The following PEAK1 variants were observed in gnomAD, a reference collection of about 807,000 sequenced individuals.
The protein encoded by PEAK1 is inactive tyrosine-protein kinase PEAK1.
PEAK1 carries 54 observed loss-of-function variants against 124.7 expected under a neutral mutation model. The ratio of observed to expected loss-of-function variants is 0.43; its 90% CI spans 0.35 to 0.54. PEAK1 has a LOEUF of 0.54. Among genes scored for constraint, PEAK1 ranks in the 20% least tolerant of loss-of-function variants. The pLI, the probability that PEAK1 is intolerant of heterozygous loss-of-function variation, is 0.01. For synonymous variants in PEAK1, 719 were observed against 760.0 expected (o/e 0.95, Z 0.89); for missense variants, 2,046 against 2,134.5 (o/e 0.96, Z 0.82).
intron 1 of PEAK1, among the ~76,000 whole-genome samples, chr15:77,410,593 A>G (rs1339241576): frequency 6.6e-6 from 1 of 152,258 alleles, no homozygotes; most frequent in Non-Finnish European, 1.5e-5. Context: ...CTTAAATTTT[A>G]TAAGGGTAAA....
chr15:77,403,660 C>G (rs1056073339), intron 1 of PEAK1: 9 of 877,012 alleles, frequency 1.0e-5, no homozygotes, highest in Non-Finnish European at 1.2e-5. Flanking sequence ...AACACATCCC[C>G]CTTTAGTTTC....
intron 5 of PEAK1, among the ~76,000 whole-genome samples, chr15:77,276,485 A>C (rs2152960255): frequency 6.6e-6 from 1 of 152,276 alleles, no homozygotes; most frequent in African/African-American, 2.4e-5. Flanking sequence ...GAGTTCTTTA[A>C]CCAGCAAAAA....
intron 1 of PEAK1, among the ~76,000 whole-genome samples, chr15:77,410,075 GTTTT>G (rs71145825): frequency 4.4e-4 from 62 of 141,282 alleles, no homozygotes; most frequent in Non-Finnish European, 8.0e-4. Context: ...GTGTGTGTGT[GTTTT>G]TTTTTTTTTT....
chr15:77,121,460 C>T (rs921232612), intron 9 of PEAK1, among the ~76,000 whole-genome samples: 4 of 152,066 alleles, frequency 2.6e-5, no homozygotes, highest in South Asian at 2.1e-4. Flanking sequence ...GTGGGGGCAA[C>T]GGCAGATAAA....
At chr15:77,295,570 T>C (rs982968060) in intron 2 of PEAK1, among the ~76,000 whole-genome samples, 1 of 152,190 alleles carries the variant, frequency 6.6e-6, no homozygotes, top group Non-Finnish European at 1.5e-5. Flanking sequence ...TAGGTTACCA[T>C]GGAATTACTT....
chr15:77,105,017 C>T (rs1043315829), downstream of PEAK1: 30 of 152,224 alleles, frequency 2.0e-4, no homozygotes, highest in African/African-American at 6.8e-4. Flanking sequence ...TATCCCTCCA[C>T]ATTCTCTTTA....
At chr15:77,208,820 T>A (rs1489434721) in intron 6 of PEAK1, among the ~76,000 whole-genome samples, 1 of 152,154 alleles carries the variant, frequency 6.6e-6, no homozygotes, top group Non-Finnish European at 1.5e-5. Context: ...AACTCACTGG[T>A]GAAAAACTGA....
intron 2 of PEAK1, among the ~76,000 whole-genome samples, chr15:77,362,352 T>TA (rs920984372): frequency 1.2e-4 from 17 of 144,386 alleles, no homozygotes; most frequent in Non-Finnish European, 2.0e-4. Context: ...AATTAAAAAC[T>TA]AAAAAAAAAA....
chr15:77,207,720 G>C (rs991772245), intron 6 of PEAK1, among the ~76,000 whole-genome samples: 11 of 152,146 alleles, frequency 7.2e-5, no homozygotes, highest in African/African-American at 2.7e-4. Flanking sequence ...TTTTAGGGCA[G>C]TGAAACTATT....
intron 5 of PEAK1, among the ~76,000 whole-genome samples, chr15:77,275,043 T>C (rs1267279244): frequency 6.6e-6 from 1 of 152,212 alleles, no homozygotes; most frequent in Admixed American, 6.5e-5. Context: ...GAGACCATTA[T>C]TCCAAGTGAA....
intron 2 of PEAK1, chr15:77,347,613 C>G (rs1052778775): frequency 2.1e-5 from 21 of 984,930 alleles, no homozygotes; most frequent in Non-Finnish European, 2.5e-5. Context: ...TTTGAGATAG[C>G]CCAGAGACTT....
chr15:77,375,292 C>T (rs566566681), intron 1 of PEAK1, among the ~76,000 whole-genome samples: 12 of 152,216 alleles, frequency 7.9e-5, no homozygotes, highest in Non-Finnish European at 1.0e-4. Context: ...AAAATAATCT[C>T]GCCACAGTCA....
chr15:77,388,960 A>ATTTTTTT (rs751451938), intron 1 of PEAK1, among the ~76,000 whole-genome samples: 1 of 121,694 alleles, frequency 8.2e-6, no homozygotes, highest in Admixed American at 7.9e-5. Context: ...TCTTTTGCTT[A>ATTTTTTT]TTTTTTTTTT....
At position 77,313,644 on chromosome 15, in the gene PEAK1, A is replaced by ATGTGTGTGTGTG. The variant is rs1166778709; in HGVS notation, c.-602-27141_-602-27140insCACACACACACA. Among the ~76,000 whole-genome samples, 6 of 75,416 alleles carry ATGTGTGTGTGTG rather than the reference A, an allele frequency of 8.0e-5. No individual in the cohort carries two copies. The South Asian group carries it at 1.2e-3, about 16-fold the overall frequency. The allele number at this position is 75,416 out of a possible 152,430, so 49.5% of individuals were successfully genotyped here. A position where few individuals can be genotyped will look rare whatever the true frequency, so the allele number is the denominator to read the frequency against. ...ACCATGCCCAGTAATGTATGTATGT[A>ATGTGTGTGTGTG]TGTATGTATGTGTGTGTGTGTGTGT... On this transcript the variant is annotated intron_variant, in intron 2 of 9. Transcript: ENST00000682557.
chr15:77,378,638 A>C (rs576489498), intron 1 of PEAK1, among the ~76,000 whole-genome samples: 1 of 152,324 alleles, frequency 6.6e-6, no homozygotes, highest in East Asian at 1.9e-4. Context: ...ATACCATTGC[A>C]TACTTATATG....
intron 6 of PEAK1, among the ~76,000 whole-genome samples, chr15:77,207,323 A>G (rs1334489251): frequency 1.3e-5 from 2 of 152,216 alleles, no homozygotes; most frequent in Non-Finnish European, 1.5e-5. Context: ...AGAATTGTGT[A>G]CAAATTGAGA....
At chr15:77,307,582 G>A (rs1173024052) in intron 2 of PEAK1, among the ~76,000 whole-genome samples, 1 of 151,902 alleles carries the variant, frequency 6.6e-6, no homozygotes, top group African/African-American at 2.4e-5. Flanking sequence ...TCCTCTTCAG[G>A]AGGTCTTATG....
At chr15:77,208,317 C>T (rs976586106) in intron 6 of PEAK1, among the ~76,000 whole-genome samples, 2 of 152,192 alleles carry the variant, frequency 1.3e-5, no homozygotes, top group African/African-American at 4.8e-5. Context: ...AGGCCTGACT[C>T]ATTACAAAGT....
intron 2 of PEAK1, among the ~76,000 whole-genome samples, chr15:77,360,893 G>A (rs1597436335): frequency 1.3e-5 from 2 of 151,940 alleles, no homozygotes; most frequent in Admixed American, 6.6e-5. Context: ...CTCACAAAGG[G>A]ATCAAAGACC....
Sources: allele counts gnomAD v4.1 joint callset (sites outside exome capture counted in the v4.1 genomes callset), GRCh38; gene constraint gnomAD v4.1.1; transcripts MANE v1.5; gene names NCBI Gene and HGNC (gene_info 2026-07-23, HGNC 2026-07-21).